Variants in TWSG1 observed in about 807,000 individuals in gnomAD.
The protein encoded by TWSG1 is twisted gastrulation protein homolog 1.
TWSG1 carries 15 observed loss-of-function variants against 23.0 expected under a neutral mutation model. The observed-to-expected ratio is 0.65, with a 90% CI of 0.44 to 1.00. TWSG1 has a LOEUF of 1.00. Ranked by LOEUF, TWSG1 falls within the 50% of genes least tolerant of loss-of-function variation. The probability of loss-of-function intolerance (pLI) is 0.00; values close to 1 mark genes in which losing one functional copy is unlikely to be tolerated. For synonymous variants in TWSG1, 86 were observed against 92.8 expected, an observed-to-expected ratio of 0.93 and a Z score of 0.42; for missense variants, 242 against 278.7, an observed-to-expected ratio of 0.87 and a Z score of 0.94.
intron 3 of TWSG1, among the ~76,000 whole-genome samples, chr18:9,394,977 A>T (rs1252651333): frequency 1.3e-5 from 2 of 152,160 alleles, no homozygotes; most frequent in African/African-American, 4.8e-5. Flanking sequence ...CACAAACCCC[A>T]TTCAGTGTCA....
chr18:9,337,417 TAC>T, intron 2 of TWSG1, 65 bp downstream of exon 2: 1 of 1,558,124 alleles, frequency 6.4e-7, no homozygotes, highest in Non-Finnish European at 8.7e-7. Flanking sequence ...TATGTTTATA[TAC>T]AGATATAGAG....
chr18:9,367,094 G>A (rs977099893), intron 3 of TWSG1, among the ~76,000 whole-genome samples: 8 of 151,814 alleles, frequency 5.3e-5, no homozygotes, highest in African/African-American at 9.7e-5. Context: ...ACCACACCTC[G>A]CTAATTTTTA....
intron 2 of TWSG1, among the ~76,000 whole-genome samples, chr18:9,348,401 G>C (rs1209757469): frequency 6.6e-6 from 1 of 152,118 alleles, no homozygotes; most frequent in Non-Finnish European, 1.5e-5. Context: ...TTGTTAACTG[G>C]GGCCCTGGAC....
At chr18:9,354,699 A>G (rs537374071) in intron 2 of TWSG1, among the ~76,000 whole-genome samples, 1 of 152,288 alleles carries the variant, frequency 6.6e-6, no homozygotes, top group Admixed American at 6.5e-5. Context: ...ATGTTGACAG[A>G]TTTTTTATGA....
chr18:9,376,125 T>A (rs1230016885), intron 3 of TWSG1, among the ~76,000 whole-genome samples: 1 of 152,124 alleles, frequency 6.6e-6, no homozygotes, highest in Non-Finnish European at 1.5e-5. Context: ...CCATGTTTGC[T>A]ATGCTGGCTT....
intron 2 of TWSG1, among the ~76,000 whole-genome samples, chr18:9,345,309 C>T (rs1318791764): frequency 6.6e-6 from 1 of 152,022 alleles, no homozygotes; most frequent in African/African-American, 2.4e-5. Context: ...GAAACCATTA[C>T]CTAAGCCAAA....
At chr18:9,377,609 TAACTC>T (rs2040637113) in intron 3 of TWSG1, among the ~76,000 whole-genome samples, 1 of 152,172 alleles carries the variant, frequency 6.6e-6, no homozygotes, top group Non-Finnish European at 1.5e-5. Flanking sequence ...TCACAAAAAT[TAACTC>T]AAAGTAGATC....
rs995541653 is a variant in TWSG1 at position 9,360,749 on chromosome 18, C to T, written c.223+678C>T. Reference sequence around the variant, plus strand: ...TGATCTTTTTTACATTATCCTTTATCGAAATAGGCTATATGCATATACTTT... The same window carrying T: ...TGATCTTTTTTACATTATCCTTTATTGAAATAGGCTATATGCATATACTTT... On this transcript the variant is annotated intron_variant, in intron 3 of 4. Transcript: ENST00000262120. Among the ~76,000 whole-genome samples, 3 of 152,240 alleles carry T rather than the reference C, an allele frequency of 2.0e-5. No individual in the cohort carries two copies. In the East Asian group the frequency reaches 5.8e-4, roughly 29 times the overall value.
At chr18:9,342,050 A>T (rs1411294939) in intron 2 of TWSG1, among the ~76,000 whole-genome samples, 1 of 152,200 alleles carries the variant, frequency 6.6e-6, no homozygotes, top group Non-Finnish European at 1.5e-5. Flanking sequence ...GATGGGCTGC[A>T]TCAAAATCTG....
intron 2 of TWSG1, among the ~76,000 whole-genome samples, chr18:9,344,507 G>GTGTGTGTA (rs2040465620): frequency 1.4e-5 from 1 of 71,270 alleles, no homozygotes; most frequent in South Asian, 5.1e-4. Context: ...GTGTGTGTGT[G>GTGTGTGTA]TGTGTGTGTG....
intron 3 of TWSG1, among the ~76,000 whole-genome samples, chr18:9,389,803 A>G (rs1182571513): frequency 6.6e-6 from 1 of 152,254 alleles, no homozygotes; most frequent in East Asian, 1.9e-4. Context: ...ATGAAACATA[A>G]TTTAGCTTTC....
chr18:9,374,006 A>T (rs1250783642), intron 3 of TWSG1, among the ~76,000 whole-genome samples: 2 of 152,232 alleles, frequency 1.3e-5, no homozygotes, highest in African/African-American at 4.8e-5. Context: ...TGTACTAAAT[A>T]AAAAATGAAA....
At chr18:9,382,814 A>ACAAAAAC (rs1555652430) in intron 3 of TWSG1, among the ~76,000 whole-genome samples, 2 of 137,082 alleles carry the variant, frequency 1.5e-5, no homozygotes, top group East Asian at 2.2e-4. Flanking sequence ...CTCAAAAAAA[A>ACAAAAAC]AAAAACAAAA....
chr18:9,374,208 G>T (rs1216271663), intron 3 of TWSG1, among the ~76,000 whole-genome samples: 1 of 151,938 alleles, frequency 6.6e-6, no homozygotes, highest in Non-Finnish European at 1.5e-5. Flanking sequence ...AGAAATCAAT[G>T]AAATTGAAAA....
At position 9,396,489 on chromosome 18, in the gene TWSG1, C is replaced by A; in HGVS notation, c.433C>A (p.His145Asn). 3.1e-6 allele frequency: 5 copies of A among 1,614,068 alleles called. No homozygotes were observed. The highest frequency in any genetic ancestry group is 4.2e-6 in the Non-Finnish European group (5 of 1,180,028). The change falls in exon 4 of 5, where the codon CAC becomes AAC. Residue 145 changes from histidine to asparagine, a missense_variant. By Grantham distance (68) the His-to-Asn change is moderately conservative. Coordinates refer to ENST00000262120, the MANE Select transcript of TWSG1 (RefSeq NM_020648.6). ...TTTAGAAACTGTGAACCAGCCACACCACCAGAATGTGTCTGTCCCCAGCAA... is the reference window on the plus strand; with the variant it reads ...TTTAGAAACTGTGAACCAGCCACACAACCAGAATGTGTCTGTCCCCAGCAA... ...SFLETVNQPH[H>N]QNVSVPSNNV...
intron 3 of TWSG1, chr18:9,388,141 G>A (rs1222430204): frequency 6.6e-6 from 1 of 152,096 alleles, no homozygotes; most frequent in African/African-American, 2.4e-5. Context: ...GCTTCCTGTG[G>A]TATCCTTTAA....
intron 2 of TWSG1, among the ~76,000 whole-genome samples, chr18:9,356,857 A>G (rs1049776133): frequency 2.0e-5 from 3 of 152,042 alleles, no homozygotes; most frequent in Admixed American, 6.6e-5. Context: ...GATAAGGAAT[A>G]CTCAACCTGT....
At chr18:9,359,870 C>T (rs551679219) in intron 2 of TWSG1, 102 bp from the exon 3 acceptor site, 55 of 751,396 alleles carry the variant, frequency 7.3e-5, no homozygotes, top group Middle Eastern at 2.6e-4. Context: ...GTGAAGAATA[C>T]ATTACTGTAA....
At chr18:9,390,761 C>CA (rs2040708693) in intron 3 of TWSG1, among the ~76,000 whole-genome samples, 2 of 152,266 alleles carry the variant, frequency 1.3e-5, no homozygotes, top group South Asian at 4.2e-4. Context: ...TCTATAAACC[C>CA]AGAGCTTTGG....
Sources: gnomAD v4.1 joint callset for allele counts (sites outside exome capture counted in the v4.1 genomes callset) on GRCh38, gnomAD v4.1.1 for gene constraint, MANE v1.5 for transcripts, NCBI Gene and HGNC (gene_info 2026-07-23, HGNC 2026-07-21) for gene names.